YTHDF3: variants seen among roughly 807,000 people sequenced by gnomAD.
The protein encoded by YTHDF3 is YTH N6-methyladenosine RNA binding protein F3, also known as YTH domain-containing family protein 3.
Under a neutral mutation model 52.5 loss-of-function variants are expected in YTHDF3, and 9 were observed. That is an observed-to-expected ratio of 0.17 (90% CI 0.10 to 0.30). The LOEUF (loss-of-function observed/expected upper bound fraction) is 0.30. YTHDF3 is among the 10% of genes least tolerant of loss of function. The pLI, the probability that YTHDF3 is intolerant of heterozygous loss-of-function variation, is 1.00. For missense variants in YTHDF3, 534 were observed against 715.0 expected, an observed-to-expected ratio of 0.75 and a Z score of 2.89; for synonymous variants, 274 against 243.3, an observed-to-expected ratio of 1.13 and a Z score of -1.18.
At chr8:63,205,588 C>A (rs1809975447) in intron 4 of YTHDF3, among the ~76,000 whole-genome samples, 1 of 152,154 alleles carries the variant, frequency 6.6e-6, no homozygotes. Flanking sequence ...TGTATGCCAC[C>A]ATGCCTGGCT....
chr8:63,186,533 C>T lies in YTHDF3; in HGVS notation c.522C>T (p.Gly174=). 6.2e-7 allele frequency: 1 copy of T among 1,613,924 alleles called. No homozygotes were observed. ...TTACTGATGGACAGGCTGGATTTGG[C>T]AATGATACTTTGAGTAAGGTGCCTG... ...RAITDGQAGF[G]NDTLSKVPGI... is the part of the protein sequence containing the mutation. The change falls in exon 4 of 5, where the codon GGC becomes GGT. Residue 174 remains glycine, a synonymous_variant. Transcript: ENST00000539294.
chr8:63,176,868 A>G (rs1455127065), intron 3 of YTHDF3, among the ~76,000 whole-genome samples: 4 of 151,834 alleles, frequency 2.6e-5, no homozygotes, highest in African/African-American at 9.7e-5. Flanking sequence ...TAGTAGAGGT[A>G]GAGTTTCACC....
chr8:63,168,749 C>T lies in YTHDF3; in HGVS notation c.-129C>T, dbSNP rs540885282. On this transcript the variant is annotated 5_prime_UTR_variant, in exon 1 of 5. Coordinates refer to ENST00000539294, the MANE Select transcript of YTHDF3 (RefSeq NM_152758.6). ...GAGCGCGAGGCCCTCATTTTGGGTT[C>T]TCAGCGAACGGCGGCAGCGGCGGCG... The T allele has an allele frequency of 1.3e-6, 2 of 1,539,208 alleles. No individual in the cohort carries two copies. The highest frequency in any genetic ancestry group is 1.2e-5 in the South Asian group (1 of 83,648).
chr8:63,187,893 G>C (rs1234384434), intron 4 of YTHDF3, 148 bp downstream of exon 4: 4 of 899,316 alleles, frequency 4.4e-6, no homozygotes, highest in Non-Finnish European at 6.5e-6. Context: ...ATCTATGTGT[G>C]TCCTATATGA....
chr8:63,209,622 TTAAA>T (rs1457667435), intron 4 of YTHDF3, 57 bp from the exon 5 acceptor site: 2 of 1,466,702 alleles, frequency 1.4e-6, no homozygotes, highest in Non-Finnish European at 9.1e-7. Flanking sequence ...GTTTAAATCT[TTAAA>T]TAATGAGAGT....
Position 63,209,838 on chromosome 8 carries a change from T to C in YTHDF3, c.*132T>C. ...ATCTTTGAACACTTTAACACAAAGT[T>C]GACTCTTCTCGTAATGGTTTTCATC... is the stretch of plus-strand genomic sequence containing the variant. On this transcript the variant is annotated 3_prime_UTR_variant, in exon 5 of 5. Transcript: ENST00000539294. 1.1e-6 allele frequency: 1 copy of C among 878,094 alleles called. No individual in the cohort carries two copies. Among genetic ancestry groups the C allele is most frequent in the Non-Finnish European group, 1.7e-6 (1 of 589,968 alleles). The allele number at this position is 878,094 out of a possible 1,614,324, so 54.4% of individuals were successfully genotyped here.
intron 4 of YTHDF3, among the ~76,000 whole-genome samples, chr8:63,198,943 A>C (rs1173859446): frequency 6.6e-6 from 1 of 152,212 alleles, no homozygotes; most frequent in Non-Finnish European, 1.5e-5. Flanking sequence ...TTGATACAAT[A>C]AACTTTTATG....
chr8:63,203,572 CATA>C (rs1402673200), intron 4 of YTHDF3, among the ~76,000 whole-genome samples: 2 of 152,142 alleles, frequency 1.3e-5, no homozygotes, highest in Non-Finnish European at 2.9e-5. Flanking sequence ...AACACATAAT[CATA>C]GTACATTTAT....
chr8:63,197,048 C>T (rs905083299), intron 4 of YTHDF3, among the ~76,000 whole-genome samples: 1 of 152,148 alleles, frequency 6.6e-6, no homozygotes, highest in Non-Finnish European at 1.5e-5. Flanking sequence ...CATTATGGTC[C>T]TTCACGCCTG....
At chr8:63,200,557 T>C (rs1325834388) in intron 4 of YTHDF3, among the ~76,000 whole-genome samples, 1 of 152,066 alleles carries the variant, frequency 6.6e-6, no homozygotes, top group Non-Finnish European at 1.5e-5. Context: ...TGTGAATACC[T>C]GAATGCAGAG....
intron 4 of YTHDF3, among the ~76,000 whole-genome samples, chr8:63,198,367 A>G (rs1204012527): frequency 1.3e-5 from 2 of 152,062 alleles, no homozygotes; most frequent in Non-Finnish European, 2.9e-5. Flanking sequence ...TCGGGATTCA[A>G]ACGATTCTCA....
intron 1 of YTHDF3, 156 bp downstream of exon 1, chr8:63,169,057 G>C: frequency 7.0e-7 from 1 of 1,420,552 alleles, no homozygotes; most frequent in Non-Finnish European, 9.1e-7. Context: ...GCCGGGGCGT[G>C]CGCCCTGGCC....
At chr8:63,191,289 A>G (rs1032151992) in intron 4 of YTHDF3, among the ~76,000 whole-genome samples, 3 of 152,136 alleles carry the variant, frequency 2.0e-5, no homozygotes, top group African/African-American at 7.2e-5. Flanking sequence ...AATATGTTGA[A>G]TCTTTGCCCT....
At chr8:63,188,952 C>T (rs1265397603) in intron 4 of YTHDF3, 1 of 151,586 alleles carries the variant, frequency 6.6e-6, no homozygotes, top group Non-Finnish European at 1.5e-5. Context: ...ACCTCGTGAT[C>T]CGTGCGCCTC....
chr8:63,209,769 A>G lies in YTHDF3; in HGVS notation c.*63A>G. 1 of 1,473,022 alleles carries G rather than the reference A, an allele frequency of 6.8e-7. No homozygotes were observed. 91.2% of individuals were successfully genotyped at this position (1,473,022 alleles called of 1,614,324 possible). Reference sequence around the variant, plus strand: ...GATGTAGACTCTGGAAATGCCTAATAAGTCAAAGAAGACGTATTAAAGCTC... The same window carrying G: ...GATGTAGACTCTGGAAATGCCTAATGAGTCAAAGAAGACGTATTAAAGCTC... On this transcript the variant is annotated 3_prime_UTR_variant, in exon 5 of 5. Transcript: ENST00000539294.
chr8:63,181,624 T>A (rs1191746692), intron 3 of YTHDF3, among the ~76,000 whole-genome samples: 1 of 152,260 alleles, frequency 6.6e-6, no homozygotes, highest in Non-Finnish European at 1.5e-5. Context: ...ACTTACTCCC[T>A]CTTCTTTGTA....
chr8:63,205,503 G>A (rs1442907507), intron 4 of YTHDF3, among the ~76,000 whole-genome samples: 7 of 146,618 alleles, frequency 4.8e-5, no homozygotes, highest in African/African-American at 1.8e-4. Flanking sequence ...GTGCAATCTT[G>A]GCTCACTGCA....
chr8:63,168,633 T>A lies in YTHDF3; in HGVS notation c.-245T>A. The A allele has an allele frequency of 1.5e-6, 1 of 662,766 alleles. No homozygotes were observed. The highest frequency in any genetic ancestry group is 2.5e-6 in the Non-Finnish European group (1 of 394,546). 41.1% of individuals were successfully genotyped at this position (662,766 alleles called of 1,614,324 possible). A position where few individuals can be genotyped will look rare whatever the true frequency, so the allele number is the denominator to read the frequency against. ...TCGGAGCGGAAGTGAGACTAGGGAG[T>A]CTGTCCGCCATTGTGGACCCGAGAA... is the stretch of plus-strand genomic sequence containing the variant. On this transcript the variant is annotated 5_prime_UTR_variant, in exon 1 of 5. Transcript: ENST00000539294.
Position 63,184,458 on chromosome 8 carries a change from G to A in YTHDF3, c.136-1689G>A, listed in dbSNP as rs151048316. ...AGAGAACCATTTCAAAAGACAATATGTTAAGTTAGCTTTCTCATAGACAGT... is the reference window on the plus strand; with the variant it reads ...AGAGAACCATTTCAAAAGACAATATATTAAGTTAGCTTTCTCATAGACAGT... On this transcript the variant is annotated intron_variant, in intron 3 of 4. Transcript: ENST00000539294. Among the ~76,000 whole-genome samples, 317 of 152,306 alleles carry A rather than the reference G, an allele frequency of 2.1e-3. 1 individual carries two copies. The highest frequency in any genetic ancestry group is 3.4e-3 in the Non-Finnish European group (230 of 68,028).
Sources: gnomAD v4.1 joint callset for allele counts (sites outside exome capture counted in the v4.1 genomes callset) on GRCh38, gnomAD v4.1.1 for gene constraint, MANE v1.5 for transcripts, NCBI Gene and HGNC (gene_info 2026-07-23, HGNC 2026-07-21) for gene names.